SGCZ: variants seen among roughly 807,000 people sequenced by gnomAD.
SGCZ encodes zeta-sarcoglycan.
In SGCZ, 40 loss-of-function variants were observed where a neutral mutation model predicts 41.3. That is an observed-to-expected ratio of 0.97 (90% CI 0.75 to 1.26). The LOEUF (loss-of-function observed/expected upper bound fraction) is 1.26. Ranked by LOEUF, SGCZ falls within the 50% of genes most tolerant of loss-of-function variation. SGCZ has a pLI of 0.00. For missense variants in SGCZ, 552 were observed against 369.8 expected, an observed-to-expected ratio of 1.49 and a Z score of -4.04; for synonymous variants, 206 against 137.5, an observed-to-expected ratio of 1.50 and a Z score of -3.49.
intron 1 of SGCZ, among the ~76,000 whole-genome samples, chr8:14,674,466 A>G (rs2117519878): frequency 6.6e-6 from 1 of 152,332 alleles, no homozygotes; most frequent in South Asian, 2.1e-4. Context: ...ACTGATCTTT[A>G]GTTCCTGATA....
intron 2 of SGCZ, among the ~76,000 whole-genome samples, chr8:14,527,828 G>C (rs10503499): frequency 0.5 from 75,760 of 151,828 alleles, 19,098 homozygotes; most frequent in East Asian, 0.66. Flanking sequence ...ACAATTCTTA[G>C]GCTCTCATAT....
intron 5 of SGCZ, among the ~76,000 whole-genome samples, chr8:14,142,787 G>C (rs1250716106): frequency 6.6e-6 from 1 of 152,054 alleles, no homozygotes; most frequent in Non-Finnish European, 1.5e-5. Flanking sequence ...CATCCCTGTT[G>C]TGAGTTCTTG....
intron 4 of SGCZ, among the ~76,000 whole-genome samples, chr8:14,174,513 G>A (rs991725854): frequency 2.0e-5 from 3 of 152,006 alleles, no homozygotes; most frequent in Admixed American, 2.0e-4. Context: ...AATAATGAAA[G>A]ACACAAACTC....
intron 1 of SGCZ, chr8:14,690,574 C>T (rs984692334): frequency 1.3e-5 from 2 of 152,120 alleles, no homozygotes; most frequent in Non-Finnish European, 2.9e-5. Flanking sequence ...ACCATGAAAG[C>T]TTAGTCCACA....
chr8:14,182,082 C>T (rs767343220), intron 4 of SGCZ, among the ~76,000 whole-genome samples: 1 of 152,092 alleles, frequency 6.6e-6, no homozygotes, highest in Admixed American at 6.5e-5. Context: ...GTATATGTGG[C>T]CTGTACGCAT....
At chr8:14,683,278 G>T (rs1031523317) in intron 1 of SGCZ, among the ~76,000 whole-genome samples, 1 of 151,994 alleles carries the variant, frequency 6.6e-6, no homozygotes, top group Non-Finnish European at 1.5e-5. Context: ...CATTTACCAG[G>T]AGTTAACACC....
intron 5 of SGCZ, 106 bp downstream of exon 5, chr8:14,164,474 A>T: frequency 1.5e-6 from 2 of 1,349,104 alleles, no homozygotes; most frequent in East Asian, 2.3e-5. Context: ...ATTATGTAAG[A>T]CTCTACTTTA....
intron 2 of SGCZ, among the ~76,000 whole-genome samples, chr8:14,454,693 AGT>A (rs1800692306): frequency 1.3e-5 from 2 of 152,214 alleles, no homozygotes; most frequent in South Asian, 4.1e-4. Flanking sequence ...GAAATAGACC[AGT>A]GAAATAGAAT....
At chr8:15,155,341 T>C (rs904278032) in intron 1 of SGCZ, among the ~76,000 whole-genome samples, 1 of 152,216 alleles carries the variant, frequency 6.6e-6, no homozygotes, top group Non-Finnish European at 1.5e-5. Flanking sequence ...TATGCTATCA[T>C]AATTATCCTG....
intron 1 of SGCZ, among the ~76,000 whole-genome samples, chr8:15,009,282 A>T (rs1047174887): frequency 2.4e-4 from 5 of 20,830 alleles, no homozygotes; most frequent in African/African-American, 6.9e-4. Context: ...AGAAAGGTGG[A>T]GGTGCAACAC....
intron 5 of SGCZ, among the ~76,000 whole-genome samples, chr8:14,131,814 C>T (rs1348515486): frequency 6.6e-6 from 1 of 152,126 alleles, no homozygotes; most frequent in Non-Finnish European, 1.5e-5. Context: ...TGTTTACATA[C>T]ACAAATATTT....
At position 15,234,913 on chromosome 8, in the gene SGCZ, T is replaced by C. The variant is rs1262036264; in HGVS notation, c.39+2672A>G. Among the ~76,000 whole-genome samples, 6 of 152,228 alleles carry C rather than the reference T, an allele frequency of 3.9e-5. No individual in the cohort carries two copies. In the East Asian group the frequency reaches 1.2e-3, roughly 29 times the overall value. Reference sequence around the variant, plus strand: ...CTAAAACTAAGCTAAACTATATTTTTATACTTTTATGCACATTTATTTATG... The same window carrying C: ...CTAAAACTAAGCTAAACTATATTTTCATACTTTTATGCACATTTATTTATG... On this transcript the variant is annotated intron_variant, in intron 1 of 7. Transcript: ENST00000382080.
chr8:14,796,255 C>T (rs1261223883), intron 1 of SGCZ, among the ~76,000 whole-genome samples: 1 of 152,152 alleles, frequency 6.6e-6, no homozygotes, highest in Non-Finnish European at 1.5e-5. Context: ...ACTCCACAAT[C>T]TTCCAGAATG....
At chr8:14,453,623 G>A (rs926838290) in intron 2 of SGCZ, among the ~76,000 whole-genome samples, 10 of 152,132 alleles carry the variant, frequency 6.6e-5, no homozygotes, top group Non-Finnish European at 2.9e-5. Flanking sequence ...ATCTTAGGAG[G>A]GAAACTGCAA....
At chr8:14,225,126 A>G (rs968154220) in intron 4 of SGCZ, among the ~76,000 whole-genome samples, 1 of 152,124 alleles carries the variant, frequency 6.6e-6, no homozygotes, top group Non-Finnish European at 1.5e-5. Flanking sequence ...GTTTTACGTT[A>G]CTTGCATTCA....
intron 3 of SGCZ, among the ~76,000 whole-genome samples, chr8:14,250,969 T>A (rs1799262577): frequency 1.3e-5 from 2 of 152,316 alleles, no homozygotes; most frequent in Non-Finnish European, 2.9e-5. Flanking sequence ...GGCTCATGTC[T>A]GTAATCCTAG....
intron 4 of SGCZ, among the ~76,000 whole-genome samples, chr8:14,216,030 C>T (rs922877518): frequency 1.3e-5 from 2 of 152,218 alleles, no homozygotes; most frequent in African/African-American, 4.8e-5. Flanking sequence ...ACCCGCCCTC[C>T]AGGCATTTAT....
intron 3 of SGCZ, among the ~76,000 whole-genome samples, chr8:14,260,982 G>A (rs779070230): frequency 1.8e-4 from 28 of 152,126 alleles, no homozygotes; most frequent in Non-Finnish European, 4.0e-4. Context: ...AGCATTGGGA[G>A]ATATACCTAA....
intron 2 of SGCZ, among the ~76,000 whole-genome samples, chr8:14,348,553 C>A (rs1802972597): frequency 1.3e-5 from 2 of 152,084 alleles, no homozygotes; most frequent in African/African-American, 2.4e-5. Context: ...TCTTGTTCAT[C>A]AATGTATCCA....
Sources: gnomAD v4.1 joint callset for allele counts (sites outside exome capture counted in the v4.1 genomes callset) on GRCh38, gnomAD v4.1.1 for gene constraint, MANE v1.5 for transcripts, NCBI Gene and HGNC (gene_info 2026-07-23, HGNC 2026-07-21) for gene names.